The following PIBF1 variants were observed in gnomAD, a reference collection of about 807,000 sequenced individuals.
PIBF1 encodes the protein progesterone-induced-blocking factor 1.
PIBF1 carries 90 observed loss-of-function variants against 112.5 expected under a neutral mutation model. The observed-to-expected ratio is 0.80, with a 90% confidence interval of 0.67 to 0.95. The LOEUF is 0.95. Among genes scored for constraint, PIBF1 ranks in the 40% least tolerant of loss-of-function variants. The pLI is 0.00. For synonymous variants in PIBF1, 301 were observed against 288.6 expected (o/e 1.04, Z -0.44); for missense variants, 915 against 852.3 (o/e 1.07, Z -0.92).
intron 8 of PIBF1, among the ~76,000 whole-genome samples, chr13:72,830,591 T>A (rs926822313): frequency 2.0e-5 from 3 of 152,188 alleles, no homozygotes; most frequent in African/African-American, 7.2e-5. Context: ...GATTTGTATG[T>A]GTTGAACCAG....
intron 10 of PIBF1, among the ~76,000 whole-genome samples, chr13:72,886,792 A>G (rs1463057741): frequency 6.6e-6 from 1 of 152,114 alleles, no homozygotes; most frequent in Non-Finnish European, 1.5e-5. Flanking sequence ...ATTAGCTTGT[A>G]AGCCAAAAAT....
At chr13:72,955,147 T>G (rs547770004) in intron 14 of PIBF1, among the ~76,000 whole-genome samples, 1 of 152,256 alleles carries the variant, frequency 6.6e-6, no homozygotes, top group Non-Finnish European at 1.5e-5. Flanking sequence ...GACATAACAT[T>G]TATCTTCCAT....
chr13:72,989,292 T>C (rs1441525078), intron 16 of PIBF1, among the ~76,000 whole-genome samples: 1 of 152,182 alleles, frequency 6.6e-6, no homozygotes, highest in African/African-American at 2.4e-5. Flanking sequence ...TGTTTATGAG[T>C]GCAACATTAT....
rs73524241 is a variant in PIBF1, at chr13:72,904,843, T to G, written c.1489-3688T>G. Among the ~76,000 whole-genome samples the G allele has an allele frequency of 1.9e-3, 283 of 152,134 alleles. 2 individuals are homozygous for G. Among genetic ancestry groups the G allele is most frequent in the African/African-American group, 6.6e-3 (273 of 41,512 alleles). ...GACAATATTCCTTTACACAGCTGTA[T>G]GCACTGGATTTTTTTTTAATGTCTA... is the stretch of plus-strand genomic sequence containing the variant. On this transcript the variant is annotated intron_variant, in intron 11 of 17. Coordinates refer to ENST00000326291, the MANE Select transcript of PIBF1 (RefSeq NM_006346.4).
At chr13:72,994,741 A>G (rs1445620314) in intron 16 of PIBF1, among the ~76,000 whole-genome samples, 5 of 152,206 alleles carry the variant, frequency 3.3e-5, no homozygotes, top group African/African-American at 9.6e-5. Flanking sequence ...TAAGAACCGA[A>G]CCAGGTTAGA....
rs75185295 is a variant in PIBF1 at position 72,929,765 on chromosome 13, C to T, written c.1731-1400C>T. 1.8e-3 allele frequency among the ~76,000 whole-genome samples: 279 copies of T among 152,200 alleles called. 6 individuals are homozygous for T. In the East Asian group the frequency reaches 0.05, roughly 27 times the overall value. On this transcript the variant is annotated intron_variant, in intron 13 of 17. Transcript: ENST00000326291. ...AAGAATTTTAGATCTAAACAAGCAA[C>T]TCAAATCACTTTATAAACTTTTGCC...
intron 17 of PIBF1, among the ~76,000 whole-genome samples, chr13:73,003,805 G>T (rs974365332): frequency 6.6e-6 from 1 of 152,014 alleles, no homozygotes; most frequent in Admixed American, 6.6e-5. Context: ...AATCTCCCAG[G>T]CTCAAGTGAT....
chr13:72,919,939 T>A (rs1892381), intron 13 of PIBF1, among the ~76,000 whole-genome samples: 9 of 151,954 alleles, frequency 5.9e-5, no homozygotes, highest in East Asian at 1.9e-4. Flanking sequence ...GTCCACTTAC[T>A]CTTCAGCCTG....
In PIBF1 at chr13:72,987,307, CT is replaced by C. The variant is rs11397801; in HGVS notation, c.2050-11501del. Among the ~76,000 whole-genome samples the C allele has an allele frequency of 2.2e-3, 323 of 144,634 alleles. 1 individual carries two copies. Among genetic ancestry groups the C allele is most frequent in the South Asian group, 7.4e-3 (34 of 4,568 alleles). 94.9% of individuals were successfully genotyped at this position (144,634 alleles called of 152,430 possible). A position where few individuals can be genotyped will look rare whatever the true frequency, so the allele number is the denominator to read the frequency against. ...AGACACATCCTGTTTTGTTGTTCTACTTTTTTTTTTTTTTCTTTTTGAAACG... is the reference window on the plus strand; with the variant it reads ...AGACACATCCTGTTTTGTTGTTCTACTTTTTTTTTTTTTCTTTTTGAAACG... On this transcript the variant is annotated intron_variant, in intron 16 of 17. Transcript: ENST00000326291.
intron 14 of PIBF1, among the ~76,000 whole-genome samples, chr13:72,961,440 C>T (rs2138896215): frequency 6.6e-6 from 1 of 152,150 alleles, no homozygotes; most frequent in South Asian, 2.1e-4. Context: ...ATATAGATCT[C>T]ATGAACATAA....
chr13:72,894,616 T>C (rs547811950), intron 11 of PIBF1, among the ~76,000 whole-genome samples: 1 of 151,590 alleles, frequency 6.6e-6, no homozygotes, highest in Admixed American at 6.6e-5. Flanking sequence ...GTAGGGAAAG[T>C]ATGGATTGGA....
chr13:72,822,018 A>G (rs1187497973), intron 6 of PIBF1, 36 bp downstream of exon 6: 9 of 1,551,520 alleles, frequency 5.8e-6, no homozygotes, highest in Admixed American at 2.0e-5. Context: ...GTAGTTCTCT[A>G]TTTTTAGGGT....
chr13:72,962,146 AG>A, intron 14 of PIBF1, among the ~76,000 whole-genome samples: 1 of 152,274 alleles, frequency 6.6e-6, no homozygotes, highest in Non-Finnish European at 1.5e-5. Context: ...TTTGGTAGGC[AG>A]TTTTGTAACC....
intron 10 of PIBF1, among the ~76,000 whole-genome samples, chr13:72,891,012 A>G (rs2040034561): frequency 1.3e-5 from 2 of 152,146 alleles, no homozygotes; most frequent in South Asian, 4.1e-4. Context: ...CTATATTCAA[A>G]TTTTTAGGAG....
At chr13:72,785,208 CGTT>C (rs1007974653) in intron 2 of PIBF1, among the ~76,000 whole-genome samples, 4 of 152,154 alleles carry the variant, frequency 2.6e-5, no homozygotes, top group Non-Finnish European at 4.4e-5. Context: ...ACGTATTAGC[CGTT>C]GTTGTTTTCA....
chr13:73,008,366 G>C (rs1176727220), intron 17 of PIBF1, among the ~76,000 whole-genome samples: 4 of 152,164 alleles, frequency 2.6e-5, no homozygotes, highest in Non-Finnish European at 5.9e-5. Context: ...TGCCTGATTA[G>C]TTAAAAGCAT....
intron 5 of PIBF1, among the ~76,000 whole-genome samples, chr13:72,808,171 C>T (rs1048929439): frequency 6.6e-6 from 1 of 152,044 alleles, no homozygotes; most frequent in African/African-American, 2.4e-5. Context: ...TGAGTAAGTA[C>T]TTAAGTGTGG....
At chr13:72,904,641 G>A (rs754337338) in intron 11 of PIBF1, among the ~76,000 whole-genome samples, 10 of 150,992 alleles carry the variant, frequency 6.6e-5, no homozygotes, top group African/African-American at 1.7e-4. Flanking sequence ...GGGTTTTGCC[G>A]TGTTGGCCAT....
intron 5 of PIBF1, among the ~76,000 whole-genome samples, chr13:72,810,047 TAC>T (rs1354022838): frequency 6.6e-6 from 1 of 152,278 alleles, no homozygotes; most frequent in Non-Finnish European, 1.5e-5. Context: ...GCTCATCTTT[TAC>T]TTCAAGTCCG....
Sources: gnomAD v4.1 joint callset for allele counts (sites outside exome capture counted in the v4.1 genomes callset) on GRCh38, gnomAD v4.1.1 for gene constraint, MANE v1.5 for transcripts, NCBI Gene and HGNC (gene_info 2026-07-23, HGNC 2026-07-21) for gene names.